TLR3: variants seen among roughly 807,000 people sequenced by gnomAD.
TLR3 encodes the protein toll like receptor 3, also known as toll-like receptor 3.
Under a neutral mutation model 66.4 loss-of-function variants are expected in TLR3, and 43 were observed. That is an observed-to-expected ratio of 0.65 (90% CI 0.51 to 0.83). TLR3 has a LOEUF of 0.83. Ranked by LOEUF, TLR3 falls within the 40% of genes least tolerant of loss-of-function variation. The pLI is 0.00. For missense variants in TLR3, 982 were observed against 1,044.6 expected (o/e 0.94, Z 0.83); for synonymous variants, 397 against 397.2 (o/e 1.00, Z 0.01).
intron 3 of TLR3, among the ~76,000 whole-genome samples, chr4:186,080,155 T>A (rs1191914557): frequency 6.6e-6 from 1 of 152,196 alleles, no homozygotes; most frequent in Non-Finnish European, 1.5e-5. Context: ...TTCCAGGCTA[T>A]AAGACTACTG....
At chr4:186,084,520 T>C in intron 4 of TLR3, 125 bp from the exon 5 acceptor site, 2 of 701,558 alleles carry the variant, frequency 2.9e-6, no homozygotes, top group South Asian at 2.0e-5. Flanking sequence ...ATTTTTAAAA[T>C]AAAATTAAGA....
chr4:186,083,982 G>A lies in TLR3; in HGVS notation c.2296G>A (p.Asp766Asn). Residue 766 changes from aspartate to asparagine, a missense_variant, in exon 4 of 5, where the codon GAT becomes AAT. Coordinates refer to ENST00000296795, the MANE Select transcript of TLR3 (RefSeq NM_003265.3). This position sits in a 1 kb window ranked among gnomAD's most constrained non-coding sequence, Gnocchi z 4.0. ...AGCATATATAATTCATGCCTATAAA[G>A]ATAAGGATTGGGTCTGGGAACATTT... Reference protein sequence around the residue: ...YAAYIIHAYKDKDWVWEHFSS... With the variant: ...YAAYIIHAYKNKDWVWEHFSS... 6.2e-7 allele frequency: 1 copy of A among 1,614,104 alleles called. No homozygotes were observed. Among genetic ancestry groups the A allele is most frequent in the Non-Finnish European group, 8.5e-7 (1 of 1,180,010 alleles).
In TLR3 at chr4:186,083,121, G is replaced by T; in HGVS notation, c.1435G>T (p.Val479Phe). The T allele has an allele frequency of 2.5e-6, 4 of 1,614,140 alleles. No homozygotes were observed. Among genetic ancestry groups the T allele is most frequent in the Non-Finnish European group, 3.4e-6 (4 of 1,180,020 alleles). The change falls in exon 4 of 5, where the codon GTC becomes TTC. Residue 479 changes from valine to phenylalanine, a missense_variant. By Grantham distance (50) the Val-to-Phe change is conservative. Around this residue, in one of 3 missense-constraint regions of TLR3, gnomAD observed 666 missense variants for 709.0 expected, o/e 0.94. Coordinates refer to ENST00000296795, the MANE Select transcript of TLR3 (RefSeq NM_003265.3). This position sits in a 1 kb window ranked among gnomAD's most constrained non-coding sequence, Gnocchi z 4.0. ...LQLTRNSFAL[V>F]PSLQRLMLRR... ...GCTGACTAGGAACTCCTTTGCCTTG[G>T]TCCCAAGCCTTCAACGACTGATGCT...
At position 186,084,718 on chromosome 4, in the gene TLR3, G is replaced by A; in HGVS notation, c.2560G>A (p.Glu854Lys). ...TTCCATTATATTGGTTTTCCTTGAG[G>A]AGATTCCAGATTATAAACTGAACCA... The part of the protein sequence containing the change: ...LDSIILVFLE[E>K]IPDYKLNHAL... Residue 854 changes from glutamate to lysine, a missense_variant, in exon 5 of 5, where the codon GAG becomes AAG. This residue lies in a region of TLR3 where 666 missense variants were observed against 709.0 expected (regional missense o/e 0.94). Coordinates refer to ENST00000296795, the MANE Select transcript of TLR3 (RefSeq NM_003265.3). The A allele has an allele frequency of 2.5e-6, 4 of 1,613,998 alleles. No homozygotes were observed. The highest frequency in any genetic ancestry group is 3.4e-6 in the Non-Finnish European group (4 of 1,179,968).
rs773998666 is a variant in TLR3, at chr4:186,082,397, T to C, written c.711T>C (p.Leu237=). The C allele has an allele frequency of 6.2e-7, 1 of 1,614,130 alleles. No individual in the cohort carries two copies. Among genetic ancestry groups the C allele is most frequent in the Non-Finnish European group, 8.5e-7 (1 of 1,180,028 alleles). The part of the protein sequence containing the change: ...FLNNVQLGPS[L]TEKLCLELAN... ...ACAATGTCCAGCTGGGTCCCAGCCTTACAGAGAAGCTATGTTTGGAATTAG... is the reference window on the plus strand; with the variant it reads ...ACAATGTCCAGCTGGGTCCCAGCCTCACAGAGAAGCTATGTTTGGAATTAG... Residue 237 remains leucine (L), a synonymous_variant, in exon 4 of 5, where the codon CTT becomes CTC. Transcript: ENST00000296795.
chr4:186,073,285 C>T (rs1020779390), intron 1 of TLR3, among the ~76,000 whole-genome samples: 3 of 152,140 alleles, frequency 2.0e-5, no homozygotes, highest in East Asian at 1.9e-4. Context: ...TTTGGGAGGC[C>T]GAGGTGGATG....
chr4:186,069,717 C>T (rs1274952512), intron 1 of TLR3, among the ~76,000 whole-genome samples: 3 of 152,112 alleles, frequency 2.0e-5, no homozygotes, highest in African/African-American at 4.8e-5. Context: ...TAGGAGAGAA[C>T]ATTCAGGTAT....
intron 2 of TLR3, among the ~76,000 whole-genome samples, chr4:186,077,325 G>A (rs537789025): frequency 2.8e-4 from 43 of 152,316 alleles, no homozygotes; most frequent in African/African-American, 1.0e-3. Context: ...AATGAACAGA[G>A]AAGAATCAGA....
At chr4:186,072,859 G>T (rs1045065917) in intron 1 of TLR3, among the ~76,000 whole-genome samples, 2 of 152,176 alleles carry the variant, frequency 1.3e-5, no homozygotes, top group African/African-American at 4.8e-5. Flanking sequence ...AAAGTGCCAG[G>T]TCTTGTTCTA....
chr4:186,087,765 A>G lies in TLR3; in HGVS notation c.*2892A>G, dbSNP rs2099304598. 6.6e-6 allele frequency: 1 copy of G among 152,222 alleles called. No individual in the cohort carries two copies. 9.4% of individuals were successfully genotyped at this position (152,222 alleles called of 1,614,324 possible). The stretch of plus-strand genomic sequence containing the variant: ...TAAAGGAGACTCAACGGTAAGTTAT[A>G]GTGACCATTGAAAAATGTAAAGGGG... On this transcript the variant is annotated 3_prime_UTR_variant, in exon 5 of 5. Coordinates refer to ENST00000296795, the MANE Select transcript of TLR3 (RefSeq NM_003265.3).
chr4:186,079,115 C>A, intron 3 of TLR3, 84 bp downstream of exon 3: 1 of 1,175,932 alleles, frequency 8.5e-7, no homozygotes, highest in African/African-American at 1.5e-5. Flanking sequence ...GAATGTAATG[C>A]TCTCTAGCCT....
intron 2 of TLR3, among the ~76,000 whole-genome samples, chr4:186,077,699 T>G (rs578044232): frequency 6.6e-6 from 1 of 152,158 alleles, no homozygotes; most frequent in Non-Finnish European, 1.5e-5. Context: ...TAAATCAGGG[T>G]AATTATCATA....
chr4:186,083,351 T>C lies in TLR3; in HGVS notation c.1665T>C (p.Ile555=), dbSNP rs2099303846. 1 of 1,614,048 alleles carries C rather than the reference T, an allele frequency of 6.2e-7. No individual in the cohort carries two copies. Among genetic ancestry groups the C allele is most frequent in the Non-Finnish European group, 8.5e-7 (1 of 1,180,024 alleles). Residue 555 remains isoleucine (I), a synonymous_variant, in exon 4 of 5, where the codon ATT becomes ATC. Coordinates refer to ENST00000296795, the MANE Select transcript of TLR3 (RefSeq NM_003265.3). This position sits in a 1 kb window ranked among gnomAD's most constrained non-coding sequence, Gnocchi z 4.0. ...AACACGCAAACCCTGGTGGTCCCAT[T>C]TATTTCCTAAAGGGTCTGTCTCACC... ...LWKHANPGGP[I]YFLKGLSHLH...
chr4:186,071,461 G>C (rs2099301453), intron 1 of TLR3, among the ~76,000 whole-genome samples: 1 of 152,264 alleles, frequency 6.6e-6, no homozygotes, highest in Admixed American at 6.5e-5. Context: ...GACACTCTCA[G>C]AGAGGGGGCA....
In TLR3 at chr4:186,084,762, A is replaced by T; in HGVS notation, c.2604A>T (p.Arg868Ser). Residue 868 changes from arginine (R) to serine (S), a missense_variant, in exon 5 of 5, where the codon AGA (arginine) becomes AGT (serine). Transcript: ENST00000296795. ...TGAACCATGCACTCTGTTTGCGAAG[A>T]GGAATGTTTAAATCTCACTGCATCT... is the stretch of plus-strand genomic sequence containing the variant. ...YKLNHALCLR[R>S]GMFKSHCILN... 6.2e-7 allele frequency: 1 copy of T among 1,614,090 alleles called. No homozygotes were observed. Among genetic ancestry groups the T allele is most frequent in the Non-Finnish European group, 8.5e-7 (1 of 1,179,992 alleles).
Position 186,078,878 on chromosome 4 carries a change from A to T in TLR3, c.480A>T (p.Ser160=), listed in dbSNP as rs1328082021. The change falls in exon 3 of 5, where the codon TCA becomes TCT. Residue 160 remains serine (S), a synonymous_variant. Coordinates refer to ENST00000296795, the MANE Select transcript of TLR3 (RefSeq NM_003265.3). ...TAGATCTGTCTCATAATGGCTTGTC[A>T]TCTACAAAATTAGGAACTCAGGTTC... ...ITLDLSHNGL[S]STKLGTQVQL... The T allele has an allele frequency of 6.2e-7, 1 of 1,614,018 alleles. No individual in the cohort carries two copies. The highest frequency in any genetic ancestry group is 2.2e-5 in the East Asian group (1 of 44,846).
Position 186,083,110 on chromosome 4 carries a change from C to G in TLR3, c.1424C>G (p.Ser475Cys), listed in dbSNP as rs762995868. 3.1e-6 allele frequency: 5 copies of G among 1,614,092 alleles called. No individual in the cohort carries two copies. Among genetic ancestry groups the G allele is most frequent in the African/African-American group, 1.3e-5 (1 of 74,924 alleles). ...AAGTACCTGCAGCTGACTAGGAACT[C>G]CTTTGCCTTGGTCCCAAGCCTTCAA... Reference protein sequence around the residue: ...YNKYLQLTRNSFALVPSLQRL... With the variant: ...YNKYLQLTRNCFALVPSLQRL... The change falls in exon 4 of 5, where the codon TCC becomes TGC. Residue 475 changes from serine to cysteine, a missense_variant. Physicochemically the swap from Ser to Cys is moderately radical, Grantham distance 112. Transcript: ENST00000296795. The surrounding 1 kb of genome is among the most constrained non-coding windows in gnomAD (Gnocchi z 4.0).
rs1252524431 is a variant in TLR3 at position 186,076,688 on chromosome 4, C to T, written c.69C>T (p.Ser23=). 6.2e-7 allele frequency: 1 copy of T among 1,614,168 alleles called. No homozygotes were observed. The highest frequency in any genetic ancestry group is 1.1e-5 in the South Asian group (1 of 91,080). The stretch of plus-strand genomic sequence containing the variant: ...TGCCCTTTGGGATGCTGTGTGCATC[C>T]TCCACCACCAAGTGCACTGTTAGCC... The part of the protein sequence containing the change: ...GLLPFGMLCA[S]STTKCTVSHE... The change falls in exon 2 of 5, where the codon TCC becomes TCT. Residue 23 remains serine, a synonymous_variant. Coordinates refer to ENST00000296795, the MANE Select transcript of TLR3 (RefSeq NM_003265.3).
intron 3 of TLR3, 81 bp from the exon 4 acceptor site, chr4:186,082,224 CAAAAAAAAAAAAAAA>C: frequency 2.6e-5 from 10 of 378,444 alleles, no homozygotes; most frequent in African/African-American, 7.9e-5. Flanking sequence ...GACTCCGTCT[CAAAAAAAAAAAAAAA>C]AAAAAAAAAA....
Sources: allele counts gnomAD v4.1 joint callset (sites outside exome capture counted in the v4.1 genomes callset), GRCh38; gene constraint gnomAD v4.1.1; regional missense constraint gnomAD v4.1.1; non-coding constraint Gnocchi (gnomAD v3.1); transcripts MANE v1.5; gene names NCBI Gene and HGNC (gene_info 2026-07-23, HGNC 2026-07-21).